NPAS3: variants seen among roughly 807,000 people sequenced by gnomAD.
NPAS3 encodes the protein neuronal PAS domain protein 3.
Under a neutral mutation model 73.1 loss-of-function variants are expected in NPAS3, and 14 were observed. The ratio of observed to expected loss-of-function variants is 0.19; its 90% CI spans 0.13 to 0.30. NPAS3 has a LOEUF of 0.30. NPAS3 is among the 10% of genes least tolerant of loss of function. NPAS3 has a pLI of 1.00. For missense variants in NPAS3, 1,096 were observed against 1,250.0 expected, an observed-to-expected ratio of 0.88 and a Z score of 1.86; for synonymous variants, 620 against 541.5, an observed-to-expected ratio of 1.14 and a Z score of -2.01.
chr14:33,022,491 C>T (rs1025234792), intron 1 of NPAS3, among the ~76,000 whole-genome samples: 6 of 151,982 alleles, frequency 3.9e-5, no homozygotes, highest in South Asian at 2.1e-4. Flanking sequence ...GGTGAAACTC[C>T]GTCTCTACTA....
intron 1 of NPAS3, among the ~76,000 whole-genome samples, chr14:32,964,955 G>A (rs767808112): frequency 3.3e-5 from 5 of 152,146 alleles, no homozygotes; most frequent in African/African-American, 1.2e-4. Flanking sequence ...GGGTGACAGA[G>A]CAAGACCCTG....
chr14:33,462,402 A>G (rs2050313099), intron 4 of NPAS3, among the ~76,000 whole-genome samples: 1 of 152,094 alleles, frequency 6.6e-6, no homozygotes, highest in Non-Finnish European at 1.5e-5. Context: ...CCATGTAACT[A>G]GTTCTGGCCA....
intron 2 of NPAS3, among the ~76,000 whole-genome samples, chr14:33,098,813 G>C (rs1273013784): frequency 6.6e-6 from 1 of 152,198 alleles, no homozygotes; most frequent in African/African-American, 2.4e-5. Context: ...AAATTTCAAT[G>C]ATCTCCCATT....
intron 4 of NPAS3, among the ~76,000 whole-genome samples, chr14:33,404,794 A>T (rs1045912242): frequency 2.6e-5 from 4 of 152,094 alleles, no homozygotes; most frequent in African/African-American, 9.7e-5. Flanking sequence ...CTGGAATGAA[A>T]ATTGTACAGT....
At chr14:33,793,821 G>T in intron 9 of NPAS3, 76 bp from the exon 10 acceptor site, 1 of 1,389,570 alleles carries the variant, frequency 7.2e-7, no homozygotes, top group African/African-American at 1.9e-5. Context: ...TTAAGGTTTT[G>T]CAGAGATAAA....
chr14:33,483,149 G>A (rs961856815), intron 4 of NPAS3, among the ~76,000 whole-genome samples: 1 of 152,110 alleles, frequency 6.6e-6, no homozygotes, highest in Non-Finnish European at 1.5e-5. Context: ...AGCCAATTCA[G>A]GCTAAAATAG....
chr14:33,488,965 C>A (rs1190163751), intron 4 of NPAS3, among the ~76,000 whole-genome samples: 1 of 152,150 alleles, frequency 6.6e-6, no homozygotes, highest in African/African-American at 2.4e-5. Flanking sequence ...ACAAAGCAGG[C>A]AAGCTCAAAA....
intron 5 of NPAS3, among the ~76,000 whole-genome samples, chr14:33,635,931 G>C (rs986414019): frequency 6.6e-6 from 1 of 152,138 alleles, no homozygotes; most frequent in Admixed American, 6.5e-5. Context: ...GTCATGGACT[G>C]TAAACACGAC....
chr14:33,136,058 C>CTTTTT (rs34308954), intron 2 of NPAS3, among the ~76,000 whole-genome samples: 1 of 115,412 alleles, frequency 8.7e-6, no homozygotes. Flanking sequence ...TACCTTTTTT[C>CTTTTT]TTTTTTTTTT....
chr14:33,485,135 A>G (rs1411574790), intron 4 of NPAS3, among the ~76,000 whole-genome samples: 1 of 152,170 alleles, frequency 6.6e-6, no homozygotes, highest in Non-Finnish European at 1.5e-5. Context: ...TTTCTCATGT[A>G]TAGACGGTTT....
intron 3 of NPAS3, among the ~76,000 whole-genome samples, chr14:33,298,127 C>CA (rs1206899059): frequency 6.6e-6 from 1 of 152,006 alleles, no homozygotes; most frequent in Non-Finnish European, 1.5e-5. Context: ...ACTAAAGATA[C>CA]AAAAAATTAG....
intron 2 of NPAS3, among the ~76,000 whole-genome samples, chr14:33,185,890 A>C (rs2045957855): frequency 6.6e-6 from 1 of 152,210 alleles, no homozygotes; most frequent in Non-Finnish European, 1.5e-5. Flanking sequence ...CCCCAAGGTC[A>C]CGGACTCTTG....
intron 1 of NPAS3, among the ~76,000 whole-genome samples, chr14:33,004,537 G>A (rs1010946012): frequency 6.6e-6 from 1 of 152,066 alleles, no homozygotes; most frequent in Non-Finnish European, 1.5e-5. Context: ...GTGAGTGAGT[G>A]GTGAGTGAAT....
chr14:33,548,664 G>T (rs1323949051), intron 4 of NPAS3, among the ~76,000 whole-genome samples: 2 of 152,196 alleles, frequency 1.3e-5, no homozygotes, highest in African/African-American at 4.8e-5. Context: ...TAAGGGCTCT[G>T]TAGCAAAAGT....
At chr14:33,031,592 A>C (rs1183726497) in intron 1 of NPAS3, among the ~76,000 whole-genome samples, 1 of 152,210 alleles carries the variant, frequency 6.6e-6, no homozygotes, top group Non-Finnish European at 1.5e-5. Context: ...TCCCAGGCCC[A>C]AGTGATCATT....
intron 5 of NPAS3, among the ~76,000 whole-genome samples, chr14:33,605,592 A>G (rs1457626249): frequency 6.6e-6 from 1 of 152,190 alleles, no homozygotes; most frequent in Non-Finnish European, 1.5e-5. Flanking sequence ...ATATGTAGCA[A>G]TCACAAGTTG....
At chr14:33,562,646 A>G (rs1483545637) in intron 5 of NPAS3, among the ~76,000 whole-genome samples, 1 of 152,216 alleles carries the variant, frequency 6.6e-6, no homozygotes, top group African/African-American at 2.4e-5. Context: ...ATAGTTCTGC[A>G]TTAATATGAA....
chr14:33,716,780 C>G (rs963839071), intron 6 of NPAS3, among the ~76,000 whole-genome samples: 2 of 152,010 alleles, frequency 1.3e-5, no homozygotes, highest in Non-Finnish European at 1.5e-5. Flanking sequence ...GTCTGCATGT[C>G]CTTTTTGTTG....
intron 4 of NPAS3, among the ~76,000 whole-genome samples, chr14:33,489,780 A>T (rs1360863424): frequency 6.6e-6 from 1 of 152,096 alleles, no homozygotes; most frequent in African/African-American, 2.4e-5. Context: ...AGATGATTAG[A>T]TTGTCGAGTT....
Sources: allele counts gnomAD v4.1 joint callset (sites outside exome capture counted in the v4.1 genomes callset), GRCh38; gene constraint gnomAD v4.1.1; transcripts MANE v1.5; gene names NCBI Gene and HGNC (gene_info 2026-07-23, HGNC 2026-07-21).